Variants in NOSTRIN observed in about 807,000 individuals in gnomAD.
NOSTRIN encodes BM247 homolog.
In NOSTRIN, 63 loss-of-function variants were observed where a neutral mutation model predicts 59.0. That is an observed-to-expected ratio of 1.07 (90% CI 0.87 to 1.32). The LOEUF is 1.32. Ranked by LOEUF, NOSTRIN falls within the 40% of genes most tolerant of loss-of-function variation. The probability of loss-of-function intolerance (pLI) is 0.00; values close to 1 mark genes in which losing one functional copy is unlikely to be tolerated. For missense variants in NOSTRIN, 512 were observed against 473.1 expected, an observed-to-expected ratio of 1.08 and a Z score of -0.76; for synonymous variants, 200 against 165.4, an observed-to-expected ratio of 1.21 and a Z score of -1.61.
At chr2:168,853,103 G>A (rs1688870712) in intron 10 of NOSTRIN, among the ~76,000 whole-genome samples, 1 of 152,112 alleles carries the variant, frequency 6.6e-6, no homozygotes, top group African/African-American at 2.4e-5. Context: ...TCATTTATTG[G>A]CATGTTCAGG....
chr2:168,821,401 C>T (rs1031088617), intron 2 of NOSTRIN, among the ~76,000 whole-genome samples: 2 of 152,296 alleles, frequency 1.3e-5, no homozygotes, highest in Middle Eastern at 3.4e-3. Flanking sequence ...AGTAAGAATT[C>T]CAACCAAGAC....
At chr2:168,825,341 A>T (rs1687000757) in intron 3 of NOSTRIN, among the ~76,000 whole-genome samples, 1 of 152,220 alleles carries the variant, frequency 6.6e-6, no homozygotes, top group Non-Finnish European at 1.5e-5. Context: ...CTCAGTGTTT[A>T]TGACTCCTAA....
chr2:168,793,771 C>T (rs926962644), upstream of NOSTRIN, among the ~76,000 whole-genome samples: 4 of 152,186 alleles, frequency 2.6e-5, no homozygotes, highest in Non-Finnish European at 5.9e-5. Context: ...TTCCAAGCCT[C>T]ATGAACTATA....
chr2:168,856,779 G>GT lies in NOSTRIN; in HGVS notation c.1053+2dup, dbSNP rs1208828694. The GT allele has an allele frequency of 6.2e-7, 1 of 1,613,452 alleles. No individual in the cohort carries two copies. The highest frequency in any genetic ancestry group is 1.7e-5 in the Admixed American group (1 of 60,004). On this transcript the variant is annotated splice_donor_variant, in intron 12 of 15. Transcript: ENST00000317647. LOFTEE classifies it high-confidence loss of function. The stretch of plus-strand genomic sequence containing the variant: ...AGACACAGCAGCGTTAATGGATGAG[G>GT]TAAATGTTTGCCGAGTGCATTTCCT...
chr2:168,792,481 G>A (rs1385341450), intron 2 of NOSTRIN, among the ~76,000 whole-genome samples: 5 of 151,846 alleles, frequency 3.3e-5, no homozygotes, highest in South Asian at 2.1e-4. Context: ...ATGGAGTCCC[G>A]CTCTGTCACC....
At chr2:168,799,035 G>A (rs1685553922), upstream of NOSTRIN, among the ~76,000 whole-genome samples, 2 of 152,108 alleles carry the variant, frequency 1.3e-5, no homozygotes, top group Admixed American at 6.5e-5. Context: ...TATCTTTATG[G>A]TCCTGGAATT....
intron 8 of NOSTRIN, 34 bp from the exon 9 acceptor site, chr2:168,851,050 T>C: frequency 8.3e-7 from 1 of 1,205,292 alleles, no homozygotes; most frequent in Admixed American, 1.7e-5. Flanking sequence ...GCATAACAAC[T>C]GGCTGATCTT....
chr2:168,828,550 T>C, intron 5 of NOSTRIN, 49 bp downstream of exon 5: 1 of 720,266 alleles, frequency 1.4e-6, no homozygotes, highest in Non-Finnish European at 2.4e-6. Context: ...AAGATTCCTG[T>C]GTTTAGCCCA....
upstream of NOSTRIN, chr2:168,802,479 A>C (rs1354721741): frequency 1.6e-6 from 1 of 616,894 alleles, no homozygotes; most frequent in East Asian, 3.0e-5. Flanking sequence ...CTCGGGACAC[A>C]AACGGGATGA....
intron 15 of NOSTRIN, among the ~76,000 whole-genome samples, chr2:168,864,217 T>A (rs1689696588): frequency 6.6e-6 from 1 of 152,024 alleles, no homozygotes; most frequent in Admixed American, 6.6e-5. Context: ...ATCTGCCTAA[T>A]CTGCCCATCG....
At position 168,857,848 on chromosome 2, in the gene NOSTRIN, G is replaced by A. The variant is rs560226936; in HGVS notation, c.1053+1070G>A. On this transcript the variant is annotated intron_variant, in intron 12 of 15. Transcript: ENST00000317647. ...TGTACCCAGATTGGCAATTTCAATA[G>A]TTCTTTGGTGAAAGAAGACAGATGC... Among the ~76,000 whole-genome samples the A allele has an allele frequency of 2.0e-5, 3 of 152,248 alleles. No homozygotes were observed. In the South Asian group the frequency reaches 6.2e-4, roughly 32 times the overall value.
chr2:168,806,531 G>A (rs191108543), intron 1 of NOSTRIN, among the ~76,000 whole-genome samples: 324 of 152,170 alleles, frequency 2.1e-3, no homozygotes, highest in African/African-American at 7.3e-3. Flanking sequence ...CCTAATGGCC[G>A]AATGGGAAAT....
At chr2:168,799,780 C>G (rs1436775459), upstream of NOSTRIN, among the ~76,000 whole-genome samples, 1 of 152,258 alleles carries the variant, frequency 6.6e-6, no homozygotes, top group Non-Finnish European at 1.5e-5. Flanking sequence ...ATACCAGCCA[C>G]CTGCTCCTTG....
At chr2:168,786,969 T>A (rs1327147582) in intron 1 of NOSTRIN, 2 of 152,104 alleles carry the variant, frequency 1.3e-5, no homozygotes, top group African/African-American at 4.8e-5. Flanking sequence ...CCTCAAGTGA[T>A]CCACCTGCCT....
At chr2:168,837,475 A>G (rs1176963051) in intron 7 of NOSTRIN, among the ~76,000 whole-genome samples, 1 of 151,418 alleles carries the variant, frequency 6.6e-6, no homozygotes, top group South Asian at 2.1e-4. Context: ...CACCCAGCTA[A>G]TTTTTTATAT....
At chr2:168,809,976 A>T (rs1686050567) in intron 1 of NOSTRIN, among the ~76,000 whole-genome samples, 1 of 152,110 alleles carries the variant, frequency 6.6e-6, no homozygotes, top group African/African-American at 2.4e-5. Context: ...CCATTAAAAA[A>T]AAATCATGTT....
chr2:168,789,675 G>A (rs1342561361), intron 2 of NOSTRIN, among the ~76,000 whole-genome samples: 7 of 152,206 alleles, frequency 4.6e-5, no homozygotes, highest in South Asian at 4.2e-4. Flanking sequence ...GTGGAGGTGC[G>A]GTTAATTGGG....
chr2:168,834,147 C>A (rs952391962), intron 6 of NOSTRIN, 80 bp from the exon 7 acceptor site: 1 of 753,620 alleles, frequency 1.3e-6, no homozygotes, highest in South Asian at 1.6e-5. Context: ...CATGAATGTG[C>A]TTTGTTCCAA....
At chr2:168,836,648 C>T (rs1553527917) in intron 7 of NOSTRIN, among the ~76,000 whole-genome samples, 2 of 147,024 alleles carry the variant, frequency 1.4e-5, no homozygotes, top group Non-Finnish European at 3.0e-5. Context: ...CTCACACCTC[C>T]ATCCACACAC....
Sources: allele counts gnomAD v4.1 joint callset (sites outside exome capture counted in the v4.1 genomes callset), GRCh38; gene constraint gnomAD v4.1.1; transcripts MANE v1.5; gene names NCBI Gene and HGNC (gene_info 2026-07-23, HGNC 2026-07-21).